P2RY12: variants seen among roughly 807,000 people sequenced by gnomAD.
P2RY12 encodes the protein P2Y purinoceptor 12.
Under a neutral mutation model 4.5 loss-of-function variants are expected in P2RY12, and 3 were observed. That is an observed-to-expected ratio of 0.67 (90% CI 0.31 to 1.74). The LOEUF is 1.74. P2RY12 is among the 40% of genes most tolerant of loss of function. P2RY12 has a pLI of 0.09. For missense variants in P2RY12, 356 were observed against 407.8 expected (o/e 0.87, Z 1.09); for synonymous variants, 148 against 154.1 (o/e 0.96, Z 0.29).
intron 1 of P2RY12, among the ~76,000 whole-genome samples, chr3:151,345,312 A>G (rs1328132567): frequency 6.6e-6 from 1 of 152,178 alleles, no homozygotes; most frequent in East Asian, 1.9e-4. Context: ...GAGGGAATAA[A>G]CAAGAGTAAT....
chr3:151,379,453 AATTTAAAACAGAATTTTTAACCAAATG>A (rs777657372), intron 1 of P2RY12, among the ~76,000 whole-genome samples: 1 of 152,230 alleles, frequency 6.6e-6, no homozygotes, highest in Non-Finnish European at 1.5e-5. Flanking sequence ...TTAAAATGCC[AATTTAAAACAGAATTTTTAACCAAATG>A]CCTTGACACC....
intron 1 of P2RY12, chr3:151,369,688 G>C: frequency 1.8e-6 from 1 of 547,310 alleles, no homozygotes; most frequent in Non-Finnish European, 3.2e-6. Context: ...AAAATTAGTG[G>C]TTTCTCCTAG....
At chr3:151,365,796 G>A in intron 1 of P2RY12, 1 of 1,453,928 alleles carries the variant, frequency 6.9e-7, no homozygotes, top group Admixed American at 2.1e-5. Flanking sequence ...TATCACAGGT[G>A]AGTATTTCTC....
chr3:151,377,168 A>G, intron 1 of P2RY12: 1 of 1,608,900 alleles, frequency 6.2e-7, no homozygotes, highest in Non-Finnish European at 8.5e-7. Context: ...TGGAATAAAG[A>G]CATTCCTAAG....
At position 151,355,934 on chromosome 3, in the gene P2RY12, G is replaced by A. The variant is rs371851197; in HGVS notation, c.-179-15174C>T. Reference sequence around the variant, plus strand: ...TGCTAGAACAAATCACAAGCTTTGCGTCAGGAACATCCTATCATCTCCCTT... The same window carrying A: ...TGCTAGAACAAATCACAAGCTTTGCATCAGGAACATCCTATCATCTCCCTT... On this transcript the variant is annotated intron_variant, in intron 1 of 2. Coordinates refer to ENST00000302632, the MANE Select transcript of P2RY12 (RefSeq NM_022788.5). 57 of 1,613,840 alleles carry A rather than the reference G, an allele frequency of 3.5e-5. 1 individual carries two copies. The South Asian group carries it at 4.6e-4, about 13-fold the overall frequency.
chr3:151,353,992 T>C (rs990354835), intron 1 of P2RY12, among the ~76,000 whole-genome samples: 1 of 128,472 alleles, frequency 7.8e-6, no homozygotes, highest in African/African-American at 3.4e-5. Flanking sequence ...ATACAAAAAA[T>C]TAGCCGGGCG....
chr3:151,382,479 A>G (rs1251079848), intron 1 of P2RY12, among the ~76,000 whole-genome samples: 1 of 152,194 alleles, frequency 6.6e-6, no homozygotes, highest in Non-Finnish European at 1.5e-5. Flanking sequence ...CAAATGCACA[A>G]ATAAATAGCC....
intron 1 of P2RY12, among the ~76,000 whole-genome samples, chr3:151,375,531 A>G (rs1351317728): frequency 2.0e-5 from 3 of 152,218 alleles, no homozygotes; most frequent in African/African-American, 7.2e-5. Context: ...TGTATAAAAA[A>G]GAGATGTGCA....
intron 1 of P2RY12, among the ~76,000 whole-genome samples, chr3:151,364,013 A>G (rs1754966163): frequency 6.6e-6 from 1 of 152,182 alleles, no homozygotes; most frequent in Non-Finnish European, 1.5e-5. Flanking sequence ...TTTAAAAAAA[A>G]AGCCATAGGT....
chr3:151,357,129 G>A, intron 1 of P2RY12: 1 of 1,162,584 alleles, frequency 8.6e-7, no homozygotes, highest in Non-Finnish European at 1.2e-6. Context: ...TAATGACTCA[G>A]TATATCTATG....
chr3:151,360,535 A>G (rs1273596485), intron 1 of P2RY12: 4 of 1,613,028 alleles, frequency 2.5e-6, no homozygotes, highest in Non-Finnish European at 2.5e-6. Flanking sequence ...TGAAAGATGC[A>G]TTTTAGCCTA....
intron 2 of P2RY12, 116 bp from the exon 3 acceptor site, chr3:151,338,975 TCATTGTAGTAG>T: frequency 3.6e-6 from 3 of 844,722 alleles, no homozygotes; most frequent in Non-Finnish European, 5.9e-6. Context: ...TTTCTCATCT[TCATTGTAGTAG>T]TTAGTATGAA....
chr3:151,372,860 C>A, intron 1 of P2RY12: 2 of 881,786 alleles, frequency 2.3e-6, no homozygotes, highest in Non-Finnish European at 1.7e-6. Flanking sequence ...CATAGGTGGG[C>A]CTTTTTTTCT....
chr3:151,377,939 G>A, intron 1 of P2RY12: 4 of 1,404,008 alleles, frequency 2.8e-6, no homozygotes, highest in Non-Finnish European at 3.8e-6. Flanking sequence ...GTTTCGCTTT[G>A]GAGTTTCTGT....
At chr3:151,382,855 T>C in intron 1 of P2RY12, 3 of 762,590 alleles carry the variant, frequency 3.9e-6, no homozygotes, top group Non-Finnish European at 6.4e-6. Context: ...GGTGAGGCCT[T>C]CCACTCTTTG....
chr3:151,351,227 A>G lies in P2RY12; in HGVS notation c.-179-10467T>C, dbSNP rs536318518. On this transcript the variant is annotated intron_variant, in intron 1 of 2. Transcript: ENST00000302632. ...GAGAAAAATACAGATCTTAATAATG[A>G]AGATAGGTTCTCTTTCTTCCCGGTC... 2.5e-4 allele frequency among the ~76,000 whole-genome samples: 38 copies of G among 152,322 alleles called. 1 individual carries two copies. The highest frequency in any genetic ancestry group is 8.7e-4 in the African/African-American group (36 of 41,568).
chr3:151,366,245 T>C (rs1755253131), intron 1 of P2RY12, among the ~76,000 whole-genome samples: 1 of 152,224 alleles, frequency 6.6e-6, no homozygotes. Flanking sequence ...TCCTGAAATT[T>C]CCATTTAGTT....
intron 1 of P2RY12, among the ~76,000 whole-genome samples, chr3:151,373,689 TATTTTC>T (rs1756466003): frequency 6.6e-6 from 1 of 152,196 alleles, no homozygotes; most frequent in Non-Finnish European, 1.5e-5. Flanking sequence ...TGTACTTAGT[TATTTTC>T]ATGTTCAGAC....
At chr3:151,380,362 G>A (rs1036186605) in intron 1 of P2RY12, 8 of 536,888 alleles carry the variant, frequency 1.5e-5, no homozygotes, top group African/African-American at 4.1e-5. Context: ...TTTGGGAGGC[G>A]GAGGCTGGTG....
Sources: allele counts gnomAD v4.1 joint callset (sites outside exome capture counted in the v4.1 genomes callset), GRCh38; gene constraint gnomAD v4.1.1; transcripts MANE v1.5; gene names NCBI Gene and HGNC (gene_info 2026-07-23, HGNC 2026-07-21).